Variants in CDH9 observed in about 807,000 individuals in gnomAD.
CDH9 encodes the protein cadherin-9.
Under a neutral mutation model 70.9 loss-of-function variants are expected in CDH9, and 28 were observed. The ratio of observed to expected loss-of-function variants is 0.40; its 90% CI spans 0.29 to 0.54. The LOEUF is 0.54. CDH9 is among the 20% of genes least tolerant of loss of function. CDH9 has a pLI of 0.59. For synonymous variants in CDH9, 409 were observed against 343.1 expected (o/e 1.19, Z -2.12); for missense variants, 874 against 984.4 (o/e 0.89, Z 1.50).
chr5:26,945,047 G>A (rs564766398), intron 2 of CDH9, among the ~76,000 whole-genome samples: 1 of 152,222 alleles, frequency 6.6e-6, no homozygotes, highest in Non-Finnish European at 1.5e-5. Context: ...GTGTTTTAGA[G>A]TTGCCATCTC....
intron 1 of CDH9, among the ~76,000 whole-genome samples, chr5:27,035,533 T>C (rs139261344): frequency 0.032 from 4,882 of 151,898 alleles, 200 homozygotes; most frequent in Admixed American, 0.12. Context: ...GGATTATATT[T>C]AGCATGCTTT....
intron 1 of CDH9, among the ~76,000 whole-genome samples, chr5:27,012,865 T>G (rs1181239049): frequency 6.6e-6 from 1 of 152,016 alleles, no homozygotes; most frequent in Non-Finnish European, 1.5e-5. Flanking sequence ...ATTCTAGTGT[T>G]TATTTCAGCT....
In CDH9 at chr5:26,988,327, T is replaced by C. The variant is rs1742522834; in HGVS notation, c.7A>G (p.Thr3Ala). Residue 3 changes from threonine (T) to alanine (A), a missense_variant, in exon 2 of 12, where the codon ACT (threonine) becomes GCT (alanine). Physicochemically the swap from Thr to Ala is moderately conservative, Grantham distance 58 (BLOSUM62 0). Transcript: ENST00000231021. MR[T>A]YHYIPLFIWT... The stretch of plus-strand genomic sequence containing the variant: ...ATGAATAATGGTATATAATGGTAAG[T>C]CCTCATTATCTGCAACTTCAGTGGG... 6.2e-7 allele frequency: 1 copy of C among 1,608,550 alleles called. No homozygotes were observed. The highest frequency in any genetic ancestry group is 1.3e-5 in the African/African-American group (1 of 74,884).
intron 5 of CDH9, among the ~76,000 whole-genome samples, chr5:26,904,334 A>AT (rs1740909796): frequency 6.6e-6 from 1 of 151,100 alleles, no homozygotes; most frequent in Admixed American, 6.6e-5. Flanking sequence ...GGATGTTTGT[A>AT]TTTTTTGTAG....
intron 2 of CDH9, among the ~76,000 whole-genome samples, chr5:26,943,747 T>C (rs1741701320): frequency 6.6e-6 from 1 of 152,276 alleles, no homozygotes; most frequent in Non-Finnish European, 1.5e-5. Flanking sequence ...AGATGATGCA[T>C]GATACACAAG....
At chr5:26,961,224 A>T (rs1742029306) in intron 2 of CDH9, among the ~76,000 whole-genome samples, 1 of 152,100 alleles carries the variant, frequency 6.6e-6, no homozygotes, top group Non-Finnish European at 1.5e-5. Flanking sequence ...AATCAAGCTA[A>T]TGAACATATG....
At chr5:26,913,937 G>T (rs1481683238) in intron 3 of CDH9, among the ~76,000 whole-genome samples, 6 of 151,948 alleles carry the variant, frequency 3.9e-5, no homozygotes, top group Non-Finnish European at 8.8e-5. Flanking sequence ...AGTCCATTAA[G>T]TATCAGAAAA....
chr5:26,971,935 A>G (rs1270143997), intron 2 of CDH9, among the ~76,000 whole-genome samples: 1 of 152,224 alleles, frequency 6.6e-6, no homozygotes, highest in Non-Finnish European at 1.5e-5. Flanking sequence ...CTATTCATAG[A>G]ATAAAATGGA....
At chr5:26,887,283 A>G (rs987806949) in intron 9 of CDH9, among the ~76,000 whole-genome samples, 6 of 151,814 alleles carry the variant, frequency 4.0e-5, no homozygotes, top group African/African-American at 1.4e-4. Context: ...AGCAATAACA[A>G]ATCTAACTTT....
At chr5:27,013,053 CATTT>C (rs1225693109) in intron 1 of CDH9, among the ~76,000 whole-genome samples, 3 of 151,734 alleles carry the variant, frequency 2.0e-5, no homozygotes, top group Admixed American at 6.6e-5. Context: ...TTGCAGTGGC[CATTT>C]ATTTGTTAAA....
chr5:27,020,745 C>CTAT (rs1352412173), intron 1 of CDH9, among the ~76,000 whole-genome samples: 6 of 149,232 alleles, frequency 4.0e-5, no homozygotes, highest in African/African-American at 7.5e-5. Context: ...CACACACACA[C>CTAT]ACTATATATA....
chr5:27,011,953 A>C (rs1241956432), intron 1 of CDH9, among the ~76,000 whole-genome samples: 1 of 151,964 alleles, frequency 6.6e-6, no homozygotes, highest in Non-Finnish European at 1.5e-5. Context: ...TTCTCTTAGA[A>C]AGTCTAGAAA....
In CDH9 at chr5:26,915,811, C is replaced by A. The variant is rs752996174; in HGVS notation, c.342G>T (p.Lys114Asn). The A allele has an allele frequency of 6.2e-7, 1 of 1,613,526 alleles. No homozygotes were observed. Among genetic ancestry groups the A allele is most frequent in the Non-Finnish European group, 8.5e-7 (1 of 1,179,568 alleles). Residue 114 changes from lysine to asparagine, a missense_variant, in exon 3 of 12, where the codon AAG (lysine) becomes AAT (asparagine). By Grantham distance (94) the Lys-to-Asn change is moderately conservative (BLOSUM62 0). Transcript: ENST00000231021. Reference protein sequence around the residue: ...DENTGDIHAAKKLDREEKSLY... With the variant: ...DENTGDIHAANKLDREEKSLY... Reference sequence around the variant, plus strand: ...GAGATTTTTCTTCTCTGTCTAGTTTCTTTGCAGCATGAATGTCTCCTGTAT... The same window carrying A: ...GAGATTTTTCTTCTCTGTCTAGTTTATTTGCAGCATGAATGTCTCCTGTAT...
At chr5:26,932,323 T>C (rs1156275435) in intron 2 of CDH9, among the ~76,000 whole-genome samples, 2 of 151,518 alleles carry the variant, frequency 1.3e-5, no homozygotes, top group African/African-American at 2.4e-5. Context: ...ACAAAAAGAG[T>C]AATCTGAGAA....
chr5:26,881,548 C>T lies in CDH9; in HGVS notation c.1958G>A (p.Arg653Gln). ...ATCGTTGTAGGTCACAATGTTGTCC[C>T]GGACATCGTCTTTTGAAATTATCAG... Reference protein sequence around the residue: ...EPLIISKDDVRDNIVTYNDEG... With the variant: ...EPLIISKDDVQDNIVTYNDEG... Residue 653 changes from arginine (R) to glutamine (Q), a missense_variant, in exon 12 of 12, where the codon CGG (arginine) becomes CAG (glutamine). Physicochemically the swap from Arg to Gln is conservative, Grantham distance 43 (BLOSUM62 1). Transcript: ENST00000231021. 1.2e-6 allele frequency: 2 copies of T among 1,613,548 alleles called. No individual in the cohort carries two copies. Among genetic ancestry groups the T allele is most frequent in the South Asian group, 1.1e-5 (1 of 91,054 alleles).
chr5:26,994,561 T>G (rs1742636705), intron 1 of CDH9, among the ~76,000 whole-genome samples: 1 of 151,932 alleles, frequency 6.6e-6, no homozygotes, highest in Non-Finnish European at 1.5e-5. Context: ...GTTTGTTTGT[T>G]TGTTTTGTTT....
chr5:26,987,832 A>G (rs1214832319), intron 2 of CDH9, among the ~76,000 whole-genome samples: 2 of 152,086 alleles, frequency 1.3e-5, no homozygotes, highest in African/African-American at 2.4e-5. Flanking sequence ...TTTAGATAAT[A>G]CACATATGAT....
chr5:26,976,472 G>T (rs1040761218), intron 2 of CDH9, among the ~76,000 whole-genome samples: 5 of 152,030 alleles, frequency 3.3e-5, no homozygotes, highest in African/African-American at 1.2e-4. Context: ...TTGAGACAGG[G>T]TCTCACCCAG....
intron 2 of CDH9, among the ~76,000 whole-genome samples, chr5:26,966,706 T>C (rs573393070): frequency 5.3e-5 from 8 of 152,208 alleles, no homozygotes; most frequent in Non-Finnish European, 1.2e-4. Flanking sequence ...CACACATTTA[T>C]AGCAAATTAT....
Sources: allele counts gnomAD v4.1 joint callset (sites outside exome capture counted in the v4.1 genomes callset), GRCh38; gene constraint gnomAD v4.1.1; transcripts MANE v1.5; gene names NCBI Gene and HGNC (gene_info 2026-07-23, HGNC 2026-07-21).